Variants in ENKUR observed in about 807,000 individuals in gnomAD.
The protein encoded by ENKUR is enkurin, TRPC channel interacting protein, also known as enkurin.
Under a neutral mutation model 27.6 loss-of-function variants are expected in ENKUR, and 19 were observed. That is an observed-to-expected ratio of 0.69 (90% CI 0.48 to 1.01). The LOEUF (loss-of-function observed/expected upper bound fraction) is 1.01, where lower values mean the gene tolerates loss of function less well. Ranked by LOEUF, ENKUR falls within the 50% of genes least tolerant of loss-of-function variation. ENKUR has a pLI of 0.00. For synonymous variants in ENKUR, 117 were observed against 96.9 expected (o/e 1.21, Z -1.22); for missense variants, 312 against 310.5 (o/e 1.00, Z -0.04).
chr10:24,999,210 G>T (rs1272196521), intron 2 of ENKUR, among the ~76,000 whole-genome samples, 191 bp downstream of exon 2: 1 of 152,064 alleles, frequency 6.6e-6, no homozygotes, highest in East Asian at 1.9e-4. Flanking sequence ...TCTATTCTGG[G>T]GGCAATTTAT....
At chr10:25,006,065 A>T (rs1312654753) in intron 1 of ENKUR, among the ~76,000 whole-genome samples, 2 of 152,176 alleles carry the variant, frequency 1.3e-5, no homozygotes, top group African/African-American at 4.8e-5. Flanking sequence ...TGATTAGAAA[A>T]ATTTAAATTA....
Position 24,990,537 on chromosome 10 carries a change from G to C in ENKUR, c.520C>G (p.Arg174Gly), listed in dbSNP as rs372214436. Residue 174 changes from arginine (R) to glycine (G), a missense_variant, in exon 4 of 6, where the codon CGT (arginine) becomes GGT (glycine). Transcript: ENST00000331161. ...EIKKAQEDYD[R>G]YIQENLKKAA... is the part of the protein sequence containing the mutation. ...TTCTTAAGGTTTTCCTGGATATAAC[G>C]ATCATAGTCTTCTTGGGCTTTCTTT... 1.9e-5 allele frequency: 31 copies of C among 1,613,854 alleles called. No individual in the cohort carries two copies. The highest frequency in any genetic ancestry group is 2.4e-5 in the Non-Finnish European group (28 of 1,179,994).
At chr10:25,012,561 T>C (rs185753094) in intron 1 of ENKUR, among the ~76,000 whole-genome samples, 12 of 152,314 alleles carry the variant, frequency 7.9e-5, no homozygotes, top group African/African-American at 2.6e-4. Context: ...GGAGATCATT[T>C]TGGAACTTTA....
intron 2 of ENKUR, chr10:25,026,467 A>G (rs990556112): frequency 2.4e-5 from 4 of 167,074 alleles, no homozygotes; most frequent in East Asian, 1.9e-4. Context: ...CAGTTTCCCT[A>G]TATTATTTGG....
At chr10:24,993,674 C>A (rs1849976851) in intron 3 of ENKUR, among the ~76,000 whole-genome samples, 1 of 152,200 alleles carries the variant, frequency 6.6e-6, no homozygotes, top group Non-Finnish European at 1.5e-5. Flanking sequence ...TTGAGTAAGT[C>A]TTTCATGAGC....
At chr10:25,021,758 A>C (rs915401791) in intron 2 of ENKUR, 1 of 152,170 alleles carries the variant, frequency 6.6e-6, no homozygotes, top group African/African-American at 2.4e-5. Flanking sequence ...CGTTTTGCAA[A>C]GATCGGTTTT....
chr10:25,023,304 A>G, intron 2 of ENKUR: 1 of 1,614,158 alleles, frequency 6.2e-7, no homozygotes, highest in Non-Finnish European at 8.5e-7. Flanking sequence ...AAACGGATAA[A>G]CATGCACAGC....
intron 1 of ENKUR, among the ~76,000 whole-genome samples, chr10:25,000,551 ATCAC>A: frequency 6.6e-6 from 1 of 152,106 alleles, no homozygotes; most frequent in African/African-American, 2.4e-5. Context: ...AGATCACTTC[ATCAC>A]TATAAAATAA....
At chr10:25,000,812 T>G (rs919060788) in intron 1 of ENKUR, among the ~76,000 whole-genome samples, 1 of 152,110 alleles carries the variant, frequency 6.6e-6, no homozygotes, top group Non-Finnish European at 1.5e-5. Flanking sequence ...GTTTCCAGCT[T>G]GCTGTTTTTT....
chr10:25,042,370 C>A (rs540836901), intron 2 of ENKUR, among the ~76,000 whole-genome samples: 2 of 151,642 alleles, frequency 1.3e-5, no homozygotes, highest in Non-Finnish European at 2.9e-5. Flanking sequence ...CATCAGCTCA[C>A]TGCAACCTCC....
chr10:25,060,815 C>T (rs1189494796), intron 2 of ENKUR, among the ~76,000 whole-genome samples: 1 of 152,162 alleles, frequency 6.6e-6, no homozygotes, highest in African/African-American at 2.4e-5. Flanking sequence ...TCAAGTGATC[C>T]TCCTGCCTCA....
intron 2 of ENKUR, among the ~76,000 whole-genome samples, chr10:24,998,143 A>G (rs1477490264): frequency 6.6e-6 from 1 of 152,126 alleles, no homozygotes; most frequent in African/African-American, 2.4e-5. Context: ...GACATTAAAT[A>G]CTGCCATAAA....
At chr10:25,032,211 C>G (rs903390764) in intron 2 of ENKUR, among the ~76,000 whole-genome samples, 1 of 151,640 alleles carries the variant, frequency 6.6e-6, no homozygotes, top group Non-Finnish European at 1.5e-5. Flanking sequence ...TGAAACTGGG[C>G]TATTTCAGTG....
At chr10:25,030,540 C>T (rs1391972659) in intron 2 of ENKUR, among the ~76,000 whole-genome samples, 1 of 151,786 alleles carries the variant, frequency 6.6e-6, no homozygotes, top group Non-Finnish European at 1.5e-5. Context: ...TTTTTCCTTT[C>T]CTGTAGAAGC....
rs532128373 is a variant in ENKUR at position 25,002,871 on chromosome 10, T to TTGGGGCTGGCAGATA, written c.78-3340_78-3326dup. 3.3e-5 allele frequency among the ~76,000 whole-genome samples: 5 copies of TTGGGGCTGGCAGATA among 152,136 alleles called. 1 individual carries two copies. The South Asian group carries it at 1.0e-3, about 32-fold the overall frequency. ...CTGTGCCTTAAAATGCCCACAGAAG[T>TTGGGGCTGGCAGATA]TGGGGCTGGCAGATATGGTCTCGTG... On this transcript the variant is annotated intron_variant, in intron 1 of 5. Transcript: ENST00000331161.
intron 1 of ENKUR, among the ~76,000 whole-genome samples, chr10:25,011,168 T>C (rs1407887861): frequency 6.6e-6 from 1 of 152,148 alleles, no homozygotes; most frequent in Non-Finnish European, 1.5e-5. Flanking sequence ...CTCACTGTGG[T>C]TTTGATTTGC....
chr10:25,031,987 A>T (rs929192777), intron 2 of ENKUR, among the ~76,000 whole-genome samples: 1 of 152,038 alleles, frequency 6.6e-6, no homozygotes, highest in Non-Finnish European at 1.5e-5. Context: ...GAATTTAATT[A>T]TAGTTAGAAA....
chr10:25,044,156 C>A (rs1015452616), intron 2 of ENKUR, among the ~76,000 whole-genome samples: 3 of 152,172 alleles, frequency 2.0e-5, no homozygotes, highest in Non-Finnish European at 2.9e-5. Context: ...TAGCTCACAT[C>A]ATGGCTAAAT....
intron 1 of ENKUR, among the ~76,000 whole-genome samples, chr10:25,009,889 G>A (rs572239306): frequency 4.6e-5 from 7 of 152,266 alleles, no homozygotes; most frequent in Admixed American, 3.9e-4. Context: ...CCAGCCATGT[G>A]GAACTGCGAG....
Sources: allele counts gnomAD v4.1 joint callset (sites outside exome capture counted in the v4.1 genomes callset), GRCh38; gene constraint gnomAD v4.1.1; transcripts MANE v1.5; gene names NCBI Gene and HGNC (gene_info 2026-07-23, HGNC 2026-07-21).